ZNRF1: variants seen among roughly 807,000 people sequenced by gnomAD.
ZNRF1 encodes the protein E3 ubiquitin-protein ligase ZNRF1.
A neutral mutation model predicts 18.4 loss-of-function variants in ZNRF1; 3 were observed. The observed-to-expected ratio is 0.16, with a 90% CI of 0.07 to 0.42. The LOEUF is 0.42. Among genes scored for constraint, ZNRF1 ranks in the 10% least tolerant of loss-of-function variants. The probability of loss-of-function intolerance (pLI) is 0.99; values close to 1 mark genes in which losing one functional copy is unlikely to be tolerated. For missense variants in ZNRF1, 310 were observed against 329.8 expected (o/e 0.94, Z 0.47); for synonymous variants, 157 against 144.2 (o/e 1.09, Z -0.64).
intron 1 of ZNRF1, among the ~76,000 whole-genome samples, chr16:75,074,894 C>T (rs1040071923): frequency 2.0e-5 from 3 of 152,058 alleles, no homozygotes; most frequent in African/African-American, 7.2e-5. Context: ...ATAACAAGGC[C>T]CTGTCTCTAT....
Position 75,049,845 on chromosome 16 carries a change from T to TTGTGTGTGTGTGTGTGTG in ZNRF1, c.425-43718_425-43701dup, listed in dbSNP as rs56377786. On this transcript the variant is annotated intron_variant, in intron 1 of 4. Coordinates refer to ENST00000335325, the MANE Select transcript of ZNRF1 (RefSeq NM_032268.5). ...TCTCATCACTTTCACATGCACCCAT[T>TTGTGTGTGTGTGTGTGTG]TGTGTGTGTGTGTGTGTGTGTGTGT... Among the ~76,000 whole-genome samples the TTGTGTGTGTGTGTGTGTG allele has an allele frequency of 4.8e-3, 722 of 149,370 alleles. 6 individuals are homozygous for TTGTGTGTGTGTGTGTGTG. Among genetic ancestry groups the TTGTGTGTGTGTGTGTGTG allele is most frequent in the African/African-American group, 0.013 (522 of 40,496 alleles).
intron 1 of ZNRF1, among the ~76,000 whole-genome samples, chr16:75,093,340 G>C (rs1467573358): frequency 6.6e-6 from 1 of 151,100 alleles, no homozygotes; most frequent in African/African-American, 2.4e-5. Flanking sequence ...AACTGAGATC[G>C]TGCCACTGCA....
intron 4 of ZNRF1, chr16:75,107,282 A>G (rs1187674465): frequency 5.6e-6 from 1 of 177,814 alleles, no homozygotes; most frequent in Admixed American, 5.6e-5. Context: ...CTGGGCTGGC[A>G]TTTTCCTTTT....
At chr16:75,060,473 C>CTTTTTTTTTTTTTTTTTTTTTTT (rs34182819) in intron 1 of ZNRF1, among the ~76,000 whole-genome samples, 1 of 70,246 alleles carries the variant, frequency 1.4e-5, no homozygotes. Flanking sequence ...CTCAGAAAAT[C>CTTTTTTTTTTTTTTTTTTTTTTT]TTTTTTTTTT....
intron 1 of ZNRF1, among the ~76,000 whole-genome samples, chr16:75,063,033 T>A (rs1053136537): frequency 7.9e-5 from 12 of 152,132 alleles, no homozygotes; most frequent in Non-Finnish European, 1.8e-4. Context: ...ATGACAATAA[T>A]CTCTAACTTT....
intron 1 of ZNRF1, among the ~76,000 whole-genome samples, chr16:75,001,784 T>C (rs549180735): frequency 6.6e-6 from 1 of 152,176 alleles, no homozygotes; most frequent in Non-Finnish European, 1.5e-5. Flanking sequence ...AGCCTCTTAC[T>C]AAAAATTTAT....
intron 1 of ZNRF1, among the ~76,000 whole-genome samples, chr16:75,072,060 TC>T (rs1310733094): frequency 4.0e-5 from 6 of 151,872 alleles, no homozygotes; most frequent in Non-Finnish European, 2.9e-5. Flanking sequence ...CACTTCAGCC[TC>T]CCGAATAGCT....
At chr16:75,023,302 A>G (rs1377822818) in intron 1 of ZNRF1, among the ~76,000 whole-genome samples, 1 of 152,068 alleles carries the variant, frequency 6.6e-6, no homozygotes, top group Non-Finnish European at 1.5e-5. Flanking sequence ...ACCTTCCCCT[A>G]CCTTACCCCC....
intron 1 of ZNRF1, among the ~76,000 whole-genome samples, chr16:75,050,904 A>T (rs868502571): frequency 2.3e-5 from 3 of 128,494 alleles, no homozygotes; most frequent in East Asian, 2.3e-4. Flanking sequence ...AAAAACAAAA[A>T]ACTTGTAGCC....
chr16:75,094,644 G>A lies in ZNRF1; in HGVS notation c.520+977G>A, dbSNP rs1040506488. On this transcript the variant is annotated intron_variant, in intron 2 of 4. Transcript: ENST00000335325. ...AGCCTGGCACATGGTCAGTGCTTGG[G>A]AAGTTACAGCTGCCATGAAAGATGT... is the stretch of plus-strand genomic sequence containing the variant. 2.6e-5 allele frequency among the ~76,000 whole-genome samples: 4 copies of A among 152,188 alleles called. No homozygotes were observed. In the East Asian group the frequency reaches 7.7e-4, roughly 29 times the overall value.
intron 1 of ZNRF1, among the ~76,000 whole-genome samples, chr16:75,071,338 G>A (rs1381106628): frequency 1.3e-5 from 2 of 152,114 alleles, no homozygotes; most frequent in Non-Finnish European, 2.9e-5. Flanking sequence ...GACCTCAAGC[G>A]ATCTGCCCAC....
intron 1 of ZNRF1, among the ~76,000 whole-genome samples, chr16:75,034,143 C>T (rs999088794): frequency 1.3e-5 from 2 of 152,108 alleles, no homozygotes; most frequent in African/African-American, 2.4e-5. Context: ...CGCGACAGAG[C>T]GAGGCTCCGT....
Position 75,108,644 on chromosome 16 carries a change from T to G in ZNRF1, c.*944T>G. The G allele has an allele frequency of 2.5e-6, 1 of 398,874 alleles. No homozygotes were observed. Among genetic ancestry groups the G allele is most frequent in the Non-Finnish European group, 4.4e-6 (1 of 226,006 alleles). The allele number at this position is 398,874 out of a possible 1,614,324, so 24.7% of individuals were successfully genotyped here. A position where few individuals can be genotyped will look rare whatever the true frequency, so the allele number is the denominator to read the frequency against. The stretch of plus-strand genomic sequence containing the variant: ...AAATGTTTAAAAAAATGTTCAAAGC[T>G]TGGGAGAAAAGCTTTCTTCATTAGT... On this transcript the variant is annotated 3_prime_UTR_variant, in exon 5 of 5. Transcript: ENST00000335325.
chr16:75,085,526 C>T (rs1256354313), intron 1 of ZNRF1, among the ~76,000 whole-genome samples: 1 of 152,132 alleles, frequency 6.6e-6, no homozygotes, highest in Admixed American at 6.5e-5. Flanking sequence ...TATATGTTGA[C>T]ATTTCTTTTG....
At chr16:75,059,386 T>TA (rs1432406681) in intron 1 of ZNRF1, among the ~76,000 whole-genome samples, 1 of 151,818 alleles carries the variant, frequency 6.6e-6, no homozygotes. Context: ...TAGCTGGGAC[T>TA]ACAGGCATGC....
chr16:75,050,767 A>C (rs2035586623), intron 1 of ZNRF1, among the ~76,000 whole-genome samples: 1 of 147,432 alleles, frequency 6.8e-6, no homozygotes, highest in Non-Finnish European at 1.5e-5. Context: ...GCTACTCAGG[A>C]GGCTGAGGCA....
chr16:75,019,217 GT>G lies in ZNRF1; in HGVS notation c.424+19132del, dbSNP rs374116691. ...TTTTTTTTGGTAGAGACTACTATGG[GT>G]TTTTTTTTTGTAGAGACTACTGTGT... On this transcript the variant is annotated intron_variant, in intron 1 of 4. Coordinates refer to ENST00000335325, the MANE Select transcript of ZNRF1 (RefSeq NM_032268.5). 5.3e-4 allele frequency among the ~76,000 whole-genome samples: 78 copies of G among 148,194 alleles called. 2 individuals are homozygous for G. Among genetic ancestry groups the G allele is most frequent in the Admixed American group, 3.7e-3 (55 of 14,788 alleles).
intron 1 of ZNRF1, among the ~76,000 whole-genome samples, chr16:75,038,729 T>G (rs2035405071): frequency 6.6e-6 from 1 of 152,228 alleles, no homozygotes; most frequent in Non-Finnish European, 1.5e-5. Context: ...GTGTGTGTTC[T>G]TCTAAGCACG....
rs115792226 is a variant in ZNRF1 at position 75,078,088 on chromosome 16, C to T, written c.425-15484C>T. 1.3e-3 allele frequency among the ~76,000 whole-genome samples: 204 copies of T among 152,212 alleles called. 1 individual carries two copies. The highest frequency in any genetic ancestry group is 4.6e-3 in the African/African-American group (190 of 41,490). On this transcript the variant is annotated intron_variant, in intron 1 of 4. Coordinates refer to ENST00000335325, the MANE Select transcript of ZNRF1 (RefSeq NM_032268.5). ...ATACAACTGGTTGCACACATGTTCC[C>T]ATGTAATGGCTAGGGTGGTAACATG... is the stretch of plus-strand genomic sequence containing the variant.
Sources: allele counts gnomAD v4.1 joint callset (sites outside exome capture counted in the v4.1 genomes callset), GRCh38; gene constraint gnomAD v4.1.1; transcripts MANE v1.5; gene names NCBI Gene and HGNC (gene_info 2026-07-23, HGNC 2026-07-21).